The following ERC2 variants were observed in gnomAD, a reference collection of about 807,000 sequenced individuals.
ERC2 encodes ELKS/RAB6-interacting/CAST family member 2, also known as ERC protein 2.
Under a neutral mutation model 114.8 loss-of-function variants are expected in ERC2, and 42 were observed. That is an observed-to-expected ratio of 0.37 (90% CI 0.29 to 0.47). The LOEUF is 0.47. Ranked by LOEUF, ERC2 falls within the 20% of genes least tolerant of loss-of-function variation. The pLI is 0.99. For missense variants in ERC2, 939 were observed against 1,150.7 expected (o/e 0.82, Z 2.66); for synonymous variants, 454 against 425.5 (o/e 1.07, Z -0.82).
chr3:56,429,219 A>T (rs182743273), intron 2 of ERC2, among the ~76,000 whole-genome samples: 1 of 152,318 alleles, frequency 6.6e-6, no homozygotes, highest in Non-Finnish European at 1.5e-5. Context: ...TTTTAGAGAA[A>T]ATAGGTTCAC....
At chr3:55,776,140 TTTG>T (rs553669928) in intron 14 of ERC2, among the ~76,000 whole-genome samples, 15 of 151,778 alleles carry the variant, frequency 9.9e-5, no homozygotes, top group African/African-American at 3.4e-4. Context: ...TAGAATGTTA[TTTG>T]TTGTTGTTGT....
At chr3:55,962,610 A>G (rs2068465199) in intron 12 of ERC2, among the ~76,000 whole-genome samples, 1 of 152,248 alleles carries the variant, frequency 6.6e-6, no homozygotes. Flanking sequence ...GTGACATCAC[A>G]TGATGTGCTC....
chr3:55,799,150 A>T (rs1052492603), intron 14 of ERC2, among the ~76,000 whole-genome samples: 4 of 151,914 alleles, frequency 2.6e-5, no homozygotes, highest in African/African-American at 9.7e-5. Flanking sequence ...ACCAAAGCTG[A>T]TCCAGCAACC....
intron 12 of ERC2, among the ~76,000 whole-genome samples, chr3:55,966,659 C>A (rs1185076031): frequency 1.3e-5 from 2 of 152,200 alleles, no homozygotes; most frequent in Non-Finnish European, 2.9e-5. Context: ...CCACCCCAAT[C>A]TATTAGACTC....
In ERC2 at chr3:55,965,606, T is replaced by G. The variant is rs190173230; in HGVS notation, c.2268-15046A>C. Reference sequence around the variant, plus strand: ...CACATTAGTATCTACCTAACAGACTTCATTTTTCCATTGTCCAAAACTTCT... The same window carrying G: ...CACATTAGTATCTACCTAACAGACTGCATTTTTCCATTGTCCAAAACTTCT... On this transcript the variant is annotated intron_variant, in intron 12 of 17. Transcript: ENST00000288221. Among the ~76,000 whole-genome samples, 30 of 152,340 alleles carry G rather than the reference T, an allele frequency of 2.0e-4. No individual in the cohort carries two copies. In the East Asian group the frequency reaches 4.2e-3, roughly 22 times the overall value.
At chr3:55,799,242 T>C (rs753162465) in intron 14 of ERC2, among the ~76,000 whole-genome samples, 8 of 151,944 alleles carry the variant, frequency 5.3e-5, no homozygotes, top group African/African-American at 9.7e-5. Flanking sequence ...TAGTGACACA[T>C]TGATGACACT....
At chr3:56,436,333 A>T (rs1043786573) in intron 1 of ERC2, among the ~76,000 whole-genome samples, 1 of 152,226 alleles carries the variant, frequency 6.6e-6, no homozygotes, top group Non-Finnish European at 1.5e-5. Flanking sequence ...AAATAGTAAG[A>T]TGAGGTTTAT....
At chr3:56,282,647 T>C (rs1365480596) in intron 3 of ERC2, among the ~76,000 whole-genome samples, 1 of 151,966 alleles carries the variant, frequency 6.6e-6, no homozygotes, top group East Asian at 1.9e-4. Context: ...AGCTCCATGC[T>C]TGCAGCTAGA....
intron 6 of ERC2, among the ~76,000 whole-genome samples, chr3:56,095,100 A>G (rs779577761): frequency 1.1e-3 from 160 of 152,258 alleles, no homozygotes; most frequent in Middle Eastern, 3.4e-3. Context: ...TAAATAAAAT[A>G]AAAAATTGTT....
chr3:55,980,693 A>G (rs557633322), intron 12 of ERC2, among the ~76,000 whole-genome samples: 1 of 152,280 alleles, frequency 6.6e-6, no homozygotes, highest in African/African-American at 2.4e-5. Flanking sequence ...TCCATATGGT[A>G]GTACCAACCA....
At chr3:56,131,816 T>G (rs2080217483) in intron 6 of ERC2, among the ~76,000 whole-genome samples, 1 of 152,292 alleles carries the variant, frequency 6.6e-6, no homozygotes, top group East Asian at 1.9e-4. Context: ...TATTGTATAC[T>G]TTCAAACAGC....
At chr3:55,520,433 CAAAAAAAA>C (rs35883947) in intron 17 of ERC2, among the ~76,000 whole-genome samples, 1 of 109,556 alleles carries the variant, frequency 9.1e-6, no homozygotes, top group South Asian at 3.5e-4. Context: ...GACTCTGTCT[CAAAAAAAA>C]AAAAAAAAAA....
chr3:55,687,005 T>C (rs1323521470), intron 16 of ERC2, among the ~76,000 whole-genome samples: 3 of 152,176 alleles, frequency 2.0e-5, no homozygotes, highest in African/African-American at 7.2e-5. Context: ...AACTATCAAA[T>C]AACCTCAGGA....
chr3:56,023,088 A>ATG (rs2073826836), intron 7 of ERC2, among the ~76,000 whole-genome samples: 1 of 152,192 alleles, frequency 6.6e-6, no homozygotes, highest in Admixed American at 6.5e-5. Flanking sequence ...AGATGGGCCA[A>ATG]TGTTCAGCAG....
intron 3 of ERC2, among the ~76,000 whole-genome samples, chr3:56,224,115 T>G (rs964495686): frequency 1.3e-5 from 2 of 152,230 alleles, no homozygotes; most frequent in African/African-American, 4.8e-5. Context: ...ATGCTCAAGT[T>G]TAGCACAGCC....
intron 14 of ERC2, among the ~76,000 whole-genome samples, chr3:55,826,068 T>C (rs1401407164): frequency 6.6e-6 from 1 of 151,900 alleles, no homozygotes; most frequent in African/African-American, 2.4e-5. Context: ...GGAGGACATA[T>C]TGCTACAAAA....
intron 17 of ERC2, among the ~76,000 whole-genome samples, chr3:55,655,270 C>T (rs963328848): frequency 6.6e-6 from 1 of 152,054 alleles, no homozygotes; most frequent in African/African-American, 2.4e-5. Context: ...GGAACACATC[C>T]CCCAAGGACA....
intron 6 of ERC2, among the ~76,000 whole-genome samples, chr3:56,126,852 A>AAAGGAAAGGAAAGGT (rs1316999577): frequency 2.7e-5 from 4 of 150,620 alleles, no homozygotes; most frequent in African/African-American, 9.9e-5. Context: ...AAAGGAAAGG[A>AAAGGAAAGGAAAGGT]AAAGAAAGGC....
intron 5 of ERC2, among the ~76,000 whole-genome samples, chr3:56,141,877 C>T (rs1156945895): frequency 2.0e-5 from 3 of 152,100 alleles, no homozygotes; most frequent in Non-Finnish European, 4.4e-5. Flanking sequence ...ATGTTTATGA[C>T]TGAGACTGGT....
Sources: gnomAD v4.1 joint callset for allele counts (sites outside exome capture counted in the v4.1 genomes callset) on GRCh38, gnomAD v4.1.1 for gene constraint, MANE v1.5 for transcripts, NCBI Gene and HGNC (gene_info 2026-07-23, HGNC 2026-07-21) for gene names.